The following SLC2A3 variants were observed in gnomAD, a reference collection of about 807,000 sequenced individuals.
The protein encoded by SLC2A3 is solute carrier family 2, facilitated glucose transporter member 3.
SLC2A3 carries 21 observed loss-of-function variants against 46.4 expected under a neutral mutation model. The ratio of observed to expected loss-of-function variants is 0.45; its 90% CI spans 0.32 to 0.65. The LOEUF (loss-of-function observed/expected upper bound fraction) is 0.65. Among genes scored for constraint, SLC2A3 ranks in the 30% least tolerant of loss-of-function variants. The probability of loss-of-function intolerance (pLI) is 0.04; values close to 1 mark genes in which losing one functional copy is unlikely to be tolerated. For synonymous variants in SLC2A3, 213 were observed against 239.4 expected, an observed-to-expected ratio of 0.89 and a Z score of 1.02; for missense variants, 499 against 623.3, an observed-to-expected ratio of 0.80 and a Z score of 2.12.
chr12:7,923,365 G>C (rs1432668830), intron 8 of SLC2A3: 1 of 203,744 alleles, frequency 4.9e-6, no homozygotes, highest in African/African-American at 2.3e-5. Flanking sequence ...TTGGCCAGGA[G>C]CTGTGGCTCA....
intron 6 of SLC2A3, 132 bp from the exon 7 acceptor site, chr12:7,926,080 C>T (rs779558642): frequency 1.7e-5 from 12 of 706,642 alleles, no homozygotes; most frequent in Non-Finnish European, 2.5e-5. Flanking sequence ...ACTAATATCC[C>T]TTCTGCAAAT....
chr12:7,925,551 T>C, intron 7 of SLC2A3: 2 of 262,694 alleles, frequency 7.6e-6, no homozygotes, highest in Non-Finnish European at 1.5e-5. Flanking sequence ...ATTGTTGTTT[T>C]AGTGTAAAAA....
At chr12:7,923,792 G>C (rs57943522) in intron 8 of SLC2A3, among the ~76,000 whole-genome samples, 5,719 of 139,630 alleles carry the variant, frequency 0.041, 318 homozygotes, top group East Asian at 0.23. Flanking sequence ...TTTTGAGAGA[G>C]AGTTTCGCTC....
chr12:7,930,066 A>T, intron 5 of SLC2A3, 195 bp from the exon 6 acceptor site: 1 of 1,177,356 alleles, frequency 8.5e-7, no homozygotes, highest in Admixed American at 3.0e-5. Flanking sequence ...GCTCCCTGCA[A>T]CCTCCACTTC....
At chr12:7,929,551 A>G in intron 6 of SLC2A3, 133 bp downstream of exon 6, 1 of 1,344,338 alleles carries the variant, frequency 7.4e-7, no homozygotes, top group South Asian at 1.5e-5. Flanking sequence ...TGCAACCTGA[A>G]ACTCCTGAGC....
intron 7 of SLC2A3, chr12:7,925,601 T>C (rs12313154): frequency 0.034 from 11,857 of 348,640 alleles, 709 homozygotes; most frequent in East Asian, 0.19. Flanking sequence ...CCAAGCACCT[T>C]TCCTCCAATT....
chr12:7,929,632 A>G (rs1047214414), intron 6 of SLC2A3, 52 bp downstream of exon 6: 29 of 1,598,110 alleles, frequency 1.8e-5, no homozygotes, highest in Non-Finnish European at 2.5e-5. Context: ...CATGCCCGGC[A>G]TTTTAAGTGA....
chr12:7,933,881 C>T lies in SLC2A3; in HGVS notation c.37G>A (p.Ala13Thr). The T allele has an allele frequency of 6.2e-7, 1 of 1,613,920 alleles. No homozygotes were observed. The highest frequency in any genetic ancestry group is 8.5e-7 in the Non-Finnish European group (1 of 1,179,932). Residue 13 changes from alanine to threonine, a missense_variant, in exon 2 of 10, where the codon GCC becomes ACC. By Grantham distance (58) the Ala-to-Thr change is moderately conservative. Transcript: ENST00000075120. ...GAGCCGATTGTAGCAACTGTGATGG[C>T]AAATATCAGAGCTGGGGTGACCTGG... ...TQKVTPALIFAITVATIGSFQ... is the reference protein window; with the variant it reads ...TQKVTPALIFTITVATIGSFQ...
chr12:7,931,112 GCTA>G, intron 4 of SLC2A3, 130 bp downstream of exon 4: 3 of 1,450,884 alleles, frequency 2.1e-6, no homozygotes, highest in Non-Finnish European at 2.8e-6. Context: ...TGCTTCTTCA[GCTA>G]CTATCTATTA....
Position 7,924,553 on chromosome 12 carries a change from A to C in SLC2A3, c.967-42T>G, listed in dbSNP as rs1290428745. 10 of 1,561,408 alleles carry C rather than the reference A, an allele frequency of 6.4e-6. 2 individuals are homozygous for C. Among genetic ancestry groups the C allele is most frequent in the Admixed American group, 3.9e-5 (2 of 51,814 alleles). On this transcript the variant is annotated intron_variant, in intron 7 of 9. Coordinates refer to ENST00000075120, the MANE Select transcript of SLC2A3 (RefSeq NM_006931.3). Reference sequence around the variant, plus strand: ...ACATGAAACTTCAGTTTTCCTTTCCATGAAAACAGCATCTGAGCTACTTGA... The same window carrying C: ...ACATGAAACTTCAGTTTTCCTTTCCCTGAAAACAGCATCTGAGCTACTTGA...
rs1204384441 is a variant in SLC2A3, at chr12:7,919,834, G to A, written c.*1579C>T. On this transcript the variant is annotated 3_prime_UTR_variant, in exon 10 of 10. Coordinates refer to ENST00000075120, the MANE Select transcript of SLC2A3 (RefSeq NM_006931.3). ...TCTGAGATGTGTAAGCACCAAGAAG[G>A]GAAAGGGAGACTGAGCAACATATGA... The A allele has an allele frequency of 2.0e-5, 3 of 152,146 alleles. No homozygotes were observed. Among genetic ancestry groups the A allele is most frequent in the Non-Finnish European group, 4.4e-5 (3 of 68,048 alleles). 9.4% of individuals were successfully genotyped at this position (152,146 alleles called of 1,614,324 possible). A position where few individuals can be genotyped will look rare whatever the true frequency, so the allele number is the denominator to read the frequency against.
chr12:7,927,221 C>T (rs956579341), intron 6 of SLC2A3, among the ~76,000 whole-genome samples: 4 of 152,106 alleles, frequency 2.6e-5, no homozygotes, highest in African/African-American at 9.7e-5. Context: ...ACCTGCTGCT[C>T]TAGGGCTAAT....
intron 2 of SLC2A3, 175 bp downstream of exon 2, chr12:7,933,635 C>T: frequency 1.6e-6 from 1 of 643,278 alleles, no homozygotes; most frequent in East Asian, 2.8e-5. Context: ...AACTGTGTTG[C>T]TCAGGATGGT....
At chr12:7,929,097 A>G (rs1416643974) in intron 6 of SLC2A3, among the ~76,000 whole-genome samples, 1 of 152,132 alleles carries the variant, frequency 6.6e-6, no homozygotes, top group African/African-American at 2.4e-5. Context: ...TGCTCAAAAT[A>G]GTAAGTTTTG....
rs1946209603 is a variant in SLC2A3 at position 7,936,054 on chromosome 12, T to A, written c.-20A>T. On this transcript the variant is annotated 5_prime_UTR_variant, in exon 1 of 10. Transcript: ENST00000075120. ...CCCCATCGCTGTAATCTAATTCAAGTCTTCAAGAAAGATCTAGGGGTGATT... is the reference window on the plus strand; with the variant it reads ...CCCCATCGCTGTAATCTAATTCAAGACTTCAAGAAAGATCTAGGGGTGATT... 2.5e-6 allele frequency: 4 copies of A among 1,602,066 alleles called. No homozygotes were observed. The highest frequency in any genetic ancestry group is 3.4e-6 in the Non-Finnish European group (4 of 1,169,184).
rs760162078 is a variant in SLC2A3 at position 7,922,867 on chromosome 12, T to C, written c.1226A>G (p.Asn409Ser). The C allele has an allele frequency of 1.2e-5, 20 of 1,613,928 alleles. No individual in the cohort carries two copies. Among genetic ancestry groups the C allele is most frequent in the Non-Finnish European group, 1.6e-5 (19 of 1,179,950 alleles). ...PAAMAVAGCS[N>S]WTSNFLVGLL... The stretch of plus-strand genomic sequence containing the variant: ...TCCGACTAGGAAGTTGGAGGTCCAG[T>C]TGGAGCAGCCGGCCACTGCCATCGC... The change falls in exon 9 of 10, where the codon AAC becomes AGC. Residue 409 changes from asparagine (N) to serine (S), a missense_variant. Physicochemically the swap from Asn to Ser is conservative, Grantham distance 46. This residue lies in a region of SLC2A3 where 179 missense variants were observed against 205.1 expected (regional missense o/e 0.87). Coordinates refer to ENST00000075120, the MANE Select transcript of SLC2A3 (RefSeq NM_006931.3).
chr12:7,923,083 G>A (rs1271902808), intron 8 of SLC2A3, 59 bp from the exon 9 acceptor site: 4 of 1,498,258 alleles, frequency 2.7e-6, no homozygotes, highest in African/African-American at 1.4e-5. Context: ...TAGTATCTAG[G>A]TTCCCAGAAG....
chr12:7,933,736 C>G, intron 2 of SLC2A3, 74 bp downstream of exon 2: 1 of 1,516,464 alleles, frequency 6.6e-7, no homozygotes, highest in Admixed American at 1.8e-5. Context: ...GCCTTAAATT[C>G]TGAATTCCTG....
rs1946034665 is a variant in SLC2A3 at position 7,921,333 on chromosome 12, G to A, written c.*80C>T. The A allele has an allele frequency of 5.6e-6, 9 of 1,607,410 alleles. No homozygotes were observed. Among genetic ancestry groups the A allele is most frequent in the South Asian group, 2.2e-5 (2 of 90,564 alleles). ...GTAGCAGCATTCAGAAGCGTCCTGG[G>A]TTCATCCTGATGAGGTCTCTCCCTT... On this transcript the variant is annotated 3_prime_UTR_variant, in exon 10 of 10. Coordinates refer to ENST00000075120, the MANE Select transcript of SLC2A3 (RefSeq NM_006931.3).
Sources: gnomAD v4.1 joint callset for allele counts (sites outside exome capture counted in the v4.1 genomes callset) on GRCh38, gnomAD v4.1.1 for gene constraint, gnomAD v4.1.1 regional missense constraint, MANE v1.5 for transcripts, NCBI Gene and HGNC (gene_info 2026-07-23, HGNC 2026-07-21) for gene names.